The following GRID2 variants were observed in gnomAD, a reference collection of about 807,000 sequenced individuals.
GRID2 encodes glutamate ionotropic receptor delta type subunit 2.
GRID2 carries 33 observed loss-of-function variants against 114.8 expected under a neutral mutation model. The ratio of observed to expected loss-of-function variants is 0.29; its 90% CI spans 0.22 to 0.38. The LOEUF (loss-of-function observed/expected upper bound fraction) is 0.38, where lower values mean the gene tolerates loss of function less well. Ranked by LOEUF, GRID2 falls within the 10% of genes least tolerant of loss-of-function variation. The pLI, the probability that GRID2 is intolerant of heterozygous loss-of-function variation, is 1.00. For missense variants in GRID2, 1,184 were observed against 1,257.7 expected (o/e 0.94, Z 0.89); for synonymous variants, 505 against 449.9 (o/e 1.12, Z -1.55).
intron 8 of GRID2, chr4:93,282,244 G>A (rs1472979334): frequency 1.4e-5 from 4 of 277,106 alleles, no homozygotes; most frequent in Non-Finnish European, 2.9e-5. Context: ...GCAGCAAAAT[G>A]TTAACTTTTG....
chr4:92,672,052 C>T (rs1235602677), intron 2 of GRID2, among the ~76,000 whole-genome samples: 1 of 151,998 alleles, frequency 6.6e-6, no homozygotes, highest in African/African-American at 2.4e-5. Flanking sequence ...ATTATTTAAA[C>T]TTTTTAATAT....
intron 2 of GRID2, among the ~76,000 whole-genome samples, chr4:92,790,573 G>A (rs1007629315): frequency 2.0e-5 from 3 of 151,240 alleles, no homozygotes; most frequent in East Asian, 3.9e-4. Flanking sequence ...GCACCACCAC[G>A]CCCAGCTAAT....
At chr4:92,874,364 T>G (rs1396561700) in intron 2 of GRID2, among the ~76,000 whole-genome samples, 1 of 152,216 alleles carries the variant, frequency 6.6e-6, no homozygotes, top group Non-Finnish European at 1.5e-5. Context: ...TTTATTAAAA[T>G]GAAATGATTC....
intron 10 of GRID2, among the ~76,000 whole-genome samples, chr4:93,426,133 T>G (rs1334104488): frequency 6.6e-6 from 1 of 152,158 alleles, no homozygotes; most frequent in Non-Finnish European, 1.5e-5. Flanking sequence ...GGGAAAATAA[T>G]AAAGCTATTT....
chr4:93,598,849 T>C (rs1346470210), intron 13 of GRID2, among the ~76,000 whole-genome samples: 1 of 152,200 alleles, frequency 6.6e-6, no homozygotes, highest in Non-Finnish European at 1.5e-5. Context: ...GAGAAGAGAT[T>C]GAAGCAAGAA....
At chr4:92,597,979 T>A (rs1729032304) in intron 2 of GRID2, among the ~76,000 whole-genome samples, 1 of 152,196 alleles carries the variant, frequency 6.6e-6, no homozygotes, top group Non-Finnish European at 1.5e-5. Flanking sequence ...TTTACCTGGT[T>A]AATTTTAGAA....
At chr4:92,907,445 CTT>C (rs1748040285) in intron 2 of GRID2, among the ~76,000 whole-genome samples, 1 of 151,996 alleles carries the variant, frequency 6.6e-6, no homozygotes, top group Non-Finnish European at 1.5e-5. Flanking sequence ...GATATTCGCT[CTT>C]GTTTCCCAGG....
chr4:92,342,191 AC>A (rs1403050426), intron 1 of GRID2, among the ~76,000 whole-genome samples: 2 of 152,146 alleles, frequency 1.3e-5, no homozygotes, highest in Non-Finnish European at 2.9e-5. Flanking sequence ...ATATATATAC[AC>A]CCATAAATAT....
intron 13 of GRID2, among the ~76,000 whole-genome samples, chr4:93,619,401 G>A (rs2149680301): frequency 6.6e-6 from 1 of 152,238 alleles, no homozygotes; most frequent in South Asian, 2.1e-4. Flanking sequence ...GAATTATAAG[G>A]ACCACTGTAA....
chr4:93,207,299 T>C (rs1324586158), intron 4 of GRID2, 105 bp from the exon 5 acceptor site: 1 of 814,060 alleles, frequency 1.2e-6, no homozygotes, highest in African/African-American at 1.7e-5. Context: ...CAAAGACCTT[T>C]CTAACATACG....
rs1177636567 is a variant in GRID2 at position 93,589,202 on chromosome 4, TC to T, written c.2194-37061del. Reference sequence around the variant, plus strand: ...ATCTCCCAATGCTATCCCTCCCCCCTCCCCCCACCCCACAACAGTCCCCAGT... The same window carrying T: ...ATCTCCCAATGCTATCCCTCCCCCCTCCCCCACCCCACAACAGTCCCCAGT... On this transcript the variant is annotated intron_variant, in intron 13 of 15. Coordinates refer to ENST00000282020, the MANE Select transcript of GRID2 (RefSeq NM_001510.4). Among the ~76,000 whole-genome samples, 583 of 85,348 alleles carry T rather than the reference TC, an allele frequency of 6.8e-3. 7 individuals carry two copies. The highest frequency in any genetic ancestry group is 0.028 in the African/African-American group (529 of 19,152). 56.0% of individuals were successfully genotyped at this position (85,348 alleles called of 152,430 possible).
intron 2 of GRID2, among the ~76,000 whole-genome samples, chr4:93,051,047 C>T (rs1376562744): frequency 6.6e-6 from 1 of 151,962 alleles, no homozygotes; most frequent in Non-Finnish European, 1.5e-5. Flanking sequence ...AATAGTGCTC[C>T]ACATCACTCT....
At chr4:92,691,601 C>T (rs1179162610) in intron 2 of GRID2, among the ~76,000 whole-genome samples, 1 of 152,228 alleles carries the variant, frequency 6.6e-6, no homozygotes, top group Non-Finnish European at 1.5e-5. Context: ...AAAGAGGATA[C>T]ACTGACATAT....
intron 14 of GRID2, among the ~76,000 whole-genome samples, chr4:93,674,256 G>A (rs921941674): frequency 2.6e-5 from 4 of 152,244 alleles, no homozygotes; most frequent in African/African-American, 7.2e-5. Context: ...GTGAGCGTGA[G>A]ATAAGATCAT....
intron 2 of GRID2, among the ~76,000 whole-genome samples, chr4:92,779,572 T>C (rs890232655): frequency 2.0e-5 from 3 of 152,128 alleles, no homozygotes; most frequent in African/African-American, 7.2e-5. Flanking sequence ...TATTCTGCTC[T>C]GATGTCCTTA....
At chr4:92,539,742 A>G (rs1049767020) in intron 1 of GRID2, among the ~76,000 whole-genome samples, 1 of 152,194 alleles carries the variant, frequency 6.6e-6, no homozygotes, top group Non-Finnish European at 1.5e-5. Context: ...TTAGCTGTCC[A>G]TGAACTGGAT....
chr4:93,195,566 T>G (rs1741403960), intron 4 of GRID2, among the ~76,000 whole-genome samples: 1 of 152,130 alleles, frequency 6.6e-6, no homozygotes, highest in South Asian at 2.1e-4. Context: ...GCAGAGAAGA[T>G]GAGACACAGC....
intron 2 of GRID2, among the ~76,000 whole-genome samples, chr4:92,938,207 A>G (rs1750812304): frequency 6.8e-6 from 1 of 146,594 alleles, no homozygotes; most frequent in Admixed American, 7.4e-5. Flanking sequence ...CAAAATCATG[A>G]TATAGGATCC....
At chr4:93,476,985 C>A (rs924904159) in intron 11 of GRID2, among the ~76,000 whole-genome samples, 2 of 152,008 alleles carry the variant, frequency 1.3e-5, no homozygotes, top group African/African-American at 4.8e-5. Flanking sequence ...CATTTTGTTT[C>A]ACTATAAGAA....
Sources: allele counts gnomAD v4.1 joint callset (sites outside exome capture counted in the v4.1 genomes callset), GRCh38; gene constraint gnomAD v4.1.1; transcripts MANE v1.5; gene names NCBI Gene and HGNC (gene_info 2026-07-23, HGNC 2026-07-21).